Variants in ZNF212 observed in about 807,000 individuals in gnomAD.
ZNF212 encodes zinc finger protein 212, also known as Zinc finger protein C2H2-150.
A neutral mutation model predicts 47.3 loss-of-function variants in ZNF212; 32 were observed. The observed-to-expected ratio is 0.68, with a 90% CI of 0.51 to 0.91. The LOEUF (loss-of-function observed/expected upper bound fraction) is 0.91, where lower values mean the gene tolerates loss of function less well. Among genes scored for constraint, ZNF212 ranks in the 40% least tolerant of loss-of-function variants. ZNF212 has a pLI of 0.00. For synonymous variants in ZNF212, 242 were observed against 253.8 expected (o/e 0.95, Z 0.44); for missense variants, 555 against 622.8 (o/e 0.89, Z 1.16).
At position 149,254,185 on chromosome 7, in the gene ZNF212, T is replaced by C; in HGVS notation, c.1258T>C (p.Trp420Arg). ...SLVALPGHIPWRKSRSSLICG... is the reference protein window; with the variant it reads ...SLVALPGHIPRRKSRSSLICG... The stretch of plus-strand genomic sequence containing the variant: ...GGTTGCCCTGCCTGGCCACATCCCT[T>C]GGAGGAAAAGCCGGAGTTCCCTCAT... The change falls in exon 5 of 5, where the codon TGG becomes CGG. Residue 420 changes from tryptophan (W) to arginine (R), a missense_variant. By Grantham distance (101) the Trp-to-Arg change is moderately radical. Transcript: ENST00000335870. The surrounding 1 kb of genome is among the most constrained non-coding windows in gnomAD (Gnocchi z 4.5). 1 of 1,614,252 alleles carries C rather than the reference T, an allele frequency of 6.2e-7. No individual in the cohort carries two copies. Among genetic ancestry groups the C allele is most frequent in the Non-Finnish European group, 8.5e-7 (1 of 1,180,036 alleles).
Position 149,253,590 on chromosome 7 carries a change from G to A in ZNF212, c.663G>A (p.Gln221=), listed in dbSNP as rs144539962. 304 of 1,612,850 alleles carry A rather than the reference G, an allele frequency of 1.9e-4. 1 individual carries two copies. In the African/African-American group the frequency reaches 3.8e-3, roughly 20 times the overall value. Residue 221 remains glutamine (Q), a synonymous_variant, in exon 5 of 5, where the codon CAG becomes CAA. Coordinates refer to ENST00000335870, the MANE Select transcript of ZNF212 (RefSeq NM_012256.4). ...GGGTCATGATCAAACAGGAGCTACA[G>A]TATACACAGGAAGGCCCTGCGGATC... ...AGGVMIKQEL[Q]YTQEGPADLP...
At chr7:149,240,382 A>ACCCCCCCCCCCACCCCCCCCCCC (rs71194632) in intron 1 of ZNF212, among the ~76,000 whole-genome samples, 1 of 109,352 alleles carries the variant, frequency 9.1e-6, no homozygotes, top group African/African-American at 3.5e-5. Flanking sequence ...TCTCTCCTTC[A>ACCCCCCCCCCCACCCCCCCCCCC]CCCCCCCCCC....
chr7:149,250,620 G>A, intron 2 of ZNF212, 61 bp from the exon 3 acceptor site: 2 of 1,610,562 alleles, frequency 1.2e-6, no homozygotes, highest in African/African-American at 1.3e-5. Flanking sequence ...CACCTCAGTT[G>A]CTGGCTTTTC....
intron 4 of ZNF212, 119 bp downstream of exon 4, chr7:149,252,914 C>A: frequency 1.1e-6 from 1 of 936,340 alleles, no homozygotes; most frequent in Non-Finnish European, 1.7e-6. Flanking sequence ...TCTGCTTGTT[C>A]TGGACTCCTT....
chr7:149,250,047 C>G lies in ZNF212; in HGVS notation c.25-112C>G, dbSNP rs550686766. ...ATTTTTAGTATCAATAAAAGACATG[C>G]TTTTTTTTAATTAAAAGAAACTAGA... On this transcript the variant is annotated intron_variant, in intron 1 of 4. Coordinates refer to ENST00000335870, the MANE Select transcript of ZNF212 (RefSeq NM_012256.4). 437 of 1,074,574 alleles carry G rather than the reference C, an allele frequency of 4.1e-4. 1 individual carries two copies. The African/African-American group carries it at 6.4e-3, about 16-fold the overall frequency. 66.6% of individuals were successfully genotyped at this position (1,074,574 alleles called of 1,614,324 possible).
At chr7:149,245,347 G>T (rs1796660793) in intron 1 of ZNF212, among the ~76,000 whole-genome samples, 2 of 135,526 alleles carry the variant, frequency 1.5e-5, no homozygotes. Context: ...CAGAGCGAGA[G>T]ACTCCATCTC....
chr7:149,250,607 A>G (rs4725801), intron 2 of ZNF212, 59 bp downstream of exon 2: 178,924 of 1,607,724 alleles, frequency 0.11, 13,342 homozygotes, highest in Admixed American at 0.3. Flanking sequence ...TTTAATATGT[A>G]AGCACCTCAG....
At position 149,239,813 on chromosome 7, in the gene ZNF212, A is replaced by C. The variant is rs1796560246; in HGVS notation, c.24+11A>C. 1.6e-6 allele frequency: 2 copies of C among 1,272,666 alleles called. No individual in the cohort carries two copies. Among genetic ancestry groups the C allele is most frequent in the Non-Finnish European group, 2.0e-6 (2 of 1,001,236 alleles). 78.8% of individuals were successfully genotyped at this position (1,272,666 alleles called of 1,614,324 possible). ...TCGGCGCCTGCTCGGGTAAAGAGGC[A>C]CCGGCGCGCTGGCTCGAGGGCGCGT... On this transcript the variant is annotated intron_variant, in intron 1 of 4. Coordinates refer to ENST00000335870, the MANE Select transcript of ZNF212 (RefSeq NM_012256.4).
chr7:149,240,413 C>T (rs1796572050), intron 1 of ZNF212, among the ~76,000 whole-genome samples: 1 of 151,102 alleles, frequency 6.6e-6, no homozygotes, highest in South Asian at 2.1e-4. Flanking sequence ...TCCCAGCCCA[C>T]CGACCATCCC....
At chr7:149,253,058 A>C (rs572394173) in intron 4 of ZNF212, among the ~76,000 whole-genome samples, 2 of 152,308 alleles carry the variant, frequency 1.3e-5, no homozygotes, top group African/African-American at 4.8e-5. Context: ...GCGGTAGTCA[A>C]AACCTGCTGG....
chr7:149,254,076 C>G lies in ZNF212; in HGVS notation c.1149C>G (p.Ser383Arg). 1 of 1,612,722 alleles carries G rather than the reference C, an allele frequency of 6.2e-7. No individual in the cohort carries two copies. The highest frequency in any genetic ancestry group is 8.5e-7 in the Non-Finnish European group (1 of 1,179,384). Residue 383 changes from serine to arginine, a missense_variant, in exon 5 of 5, where the codon AGC becomes AGG. Ser to Arg is a moderately radical substitution (Grantham distance 110, BLOSUM62 -1). Transcript: ENST00000335870. The surrounding 1 kb of genome is among the most constrained non-coding windows in gnomAD (Gnocchi z 4.5). Reference sequence around the variant, plus strand: ...TGAGGAGCTTCAGCTGCAAGGTGAGCCTGGTGACCCATCAGCGTTGCCACC... The same window carrying G: ...TGAGGAGCTTCAGCTGCAAGGTGAGGCTGGTGACCCATCAGCGTTGCCACC... ...VCLRSFSCKV[S>R]LVTHQRCHLQ...
chr7:149,254,424 C>G lies in ZNF212; in HGVS notation c.*9C>G, dbSNP rs375484849. The G allele has an allele frequency of 6.3e-7, 1 of 1,581,168 alleles. No homozygotes were observed. Among genetic ancestry groups the G allele is most frequent in the Non-Finnish European group, 8.5e-7 (1 of 1,170,462 alleles). ...CCAATGGCCTGCTTTAAGGGTGCAGCCCCTCGCCCGTCTGGGGGATGGAGG... is the reference window on the plus strand; with the variant it reads ...CCAATGGCCTGCTTTAAGGGTGCAGGCCCTCGCCCGTCTGGGGGATGGAGG... On this transcript the variant is annotated 3_prime_UTR_variant, in exon 5 of 5. Coordinates refer to ENST00000335870, the MANE Select transcript of ZNF212 (RefSeq NM_012256.4). This position sits in a 1 kb window ranked among gnomAD's most constrained non-coding sequence, Gnocchi z 4.5.
chr7:149,242,016 CTTTTCTTTTT>C (rs1796596698), intron 1 of ZNF212, among the ~76,000 whole-genome samples: 1 of 134,072 alleles, frequency 7.5e-6, no homozygotes, highest in African/African-American at 2.7e-5. Flanking sequence ...TTTTTCTTTT[CTTTTCTTTTT>C]TTTTTTTTTT....
At position 149,254,438 on chromosome 7, in the gene ZNF212, G is replaced by C. The variant is rs1299744328; in HGVS notation, c.*23G>C. 3.9e-6 allele frequency: 6 copies of C among 1,557,580 alleles called. No individual in the cohort carries two copies. Among genetic ancestry groups the C allele is most frequent in the South Asian group, 1.2e-5 (1 of 83,514 alleles). On this transcript the variant is annotated 3_prime_UTR_variant, in exon 5 of 5. Transcript: ENST00000335870. The surrounding 1 kb of genome is among the most constrained non-coding windows in gnomAD (Gnocchi z 4.5). ...TAAGGGTGCAGCCCCTCGCCCGTCT[G>C]GGGGATGGAGGGGGGTGGCATTGGT...
Position 149,239,978 on chromosome 7 carries a change from C to T in ZNF212, c.24+176C>T, listed in dbSNP as rs181888639. On this transcript the variant is annotated intron_variant, in intron 1 of 4. Coordinates refer to ENST00000335870, the MANE Select transcript of ZNF212 (RefSeq NM_012256.4). ...ACCCCAGTGCTCTGCCCTTTTTTCC[C>T]TCCGCTTCCTTCTGCAGCGGGGTCG... The T allele has an allele frequency of 4.1e-5, 30 of 723,036 alleles. No homozygotes were observed. The Middle Eastern group carries it at 7.8e-4, about 19-fold the overall frequency. The allele number at this position is 723,036 out of a possible 1,614,324, so 44.8% of individuals were successfully genotyped here.
intron 1 of ZNF212, among the ~76,000 whole-genome samples, chr7:149,248,884 C>T (rs1045493583): frequency 6.6e-6 from 1 of 152,104 alleles, no homozygotes; most frequent in Non-Finnish European, 1.5e-5. Flanking sequence ...CTTAAATGTT[C>T]AGTTCTGCAC....
At chr7:149,244,933 C>A (rs575230449) in intron 1 of ZNF212, among the ~76,000 whole-genome samples, 1 of 152,254 alleles carries the variant, frequency 6.6e-6, no homozygotes, top group African/African-American at 2.4e-5. Flanking sequence ...ACTGCAGATT[C>A]ACATGCAAAG....
chr7:149,245,624 G>C (rs190623804), intron 1 of ZNF212, among the ~76,000 whole-genome samples: 5 of 152,176 alleles, frequency 3.3e-5, no homozygotes, highest in Non-Finnish European at 7.4e-5. Context: ...TCCCACCTCA[G>C]CTTCCTGAGT....
intron 1 of ZNF212, among the ~76,000 whole-genome samples, chr7:149,240,382 A>ACCCCCCCCCCCCCCCCCCCCCCCCCC (rs71194632): frequency 1.7e-4 from 19 of 109,340 alleles, no homozygotes; most frequent in East Asian, 2.7e-4. Context: ...TCTCTCCTTC[A>ACCCCCCCCCCCCCCCCCCCCCCCCCC]CCCCCCCCCC....
Sources: gnomAD v4.1 joint callset for allele counts (sites outside exome capture counted in the v4.1 genomes callset) on GRCh38, gnomAD v4.1.1 for gene constraint, Gnocchi (gnomAD v3.1) non-coding constraint, MANE v1.5 for transcripts, NCBI Gene and HGNC (gene_info 2026-07-23, HGNC 2026-07-21) for gene names.